IMMP2L: variants seen among roughly 807,000 people sequenced by gnomAD.
IMMP2L encodes the protein inner mitochondrial membrane peptidase subunit 2.
Under a neutral mutation model 19.3 loss-of-function variants are expected in IMMP2L, and 18 were observed. The ratio of observed to expected loss-of-function variants is 0.93; its 90% CI spans 0.64 to 1.38. IMMP2L has a LOEUF of 1.38. IMMP2L is among the 40% of genes most tolerant of loss of function. IMMP2L has a pLI of 0.00. For synonymous variants in IMMP2L, 76 were observed against 73.0 expected, an observed-to-expected ratio of 1.04 and a Z score of -0.21; for missense variants, 233 against 218.2, an observed-to-expected ratio of 1.07 and a Z score of -0.43.
At chr7:111,522,807 C>G (rs969305880) in intron 1 of IMMP2L, among the ~76,000 whole-genome samples, 1 of 151,838 alleles carries the variant, frequency 6.6e-6, no homozygotes, top group African/African-American at 2.4e-5. Flanking sequence ...GAACTGAAAT[C>G]AGTATATTGA....
At position 111,448,932 on chromosome 7, in the gene IMMP2L, T is replaced by G. The variant is rs928551137; in HGVS notation, c.239+38306A>C. 8.3e-5 allele frequency among the ~76,000 whole-genome samples: 12 copies of G among 144,766 alleles called. No homozygotes were observed. In the South Asian group the frequency reaches 9.1e-4, roughly 11 times the overall value. The allele number at this position is 144,766 out of a possible 152,430, so 95.0% of individuals were successfully genotyped here. The stretch of plus-strand genomic sequence containing the variant: ...ACCATCAGAGAATACTACAGACACC[T>G]CTACGCAAATAAACTAGAAAATCTA... On this transcript the variant is annotated intron_variant, in intron 3 of 5. Transcript: ENST00000405709.
intron 5 of IMMP2L, among the ~76,000 whole-genome samples, chr7:110,810,711 A>T (rs1301814470): frequency 6.6e-6 from 1 of 152,088 alleles, no homozygotes; most frequent in Non-Finnish European, 1.5e-5. Context: ...CAGAGTTTGA[A>T]GCTTGGGGAT....
intron 3 of IMMP2L, among the ~76,000 whole-genome samples, chr7:111,447,884 CAA>C (rs1838676705): frequency 6.7e-6 from 1 of 149,048 alleles, no homozygotes; most frequent in Admixed American, 6.7e-5. Flanking sequence ...AAATGGAAAA[CAA>C]AAAAAGGCAG....
At chr7:110,811,659 A>T (rs990728914) in intron 5 of IMMP2L, among the ~76,000 whole-genome samples, 1 of 152,090 alleles carries the variant, frequency 6.6e-6, no homozygotes, top group Non-Finnish European at 1.5e-5. Flanking sequence ...ATTTAGAGCT[A>T]TTATATACAG....
At chr7:111,057,348 C>T (rs544285991) in intron 3 of IMMP2L, among the ~76,000 whole-genome samples, 73 of 151,700 alleles carry the variant, frequency 4.8e-4, no homozygotes, top group African/African-American at 1.5e-3. Flanking sequence ...GAAAAGAAGA[C>T]GATACTAAGT....
intron 4 of IMMP2L, among the ~76,000 whole-genome samples, chr7:110,932,883 G>C (rs932813072): frequency 6.6e-6 from 1 of 152,156 alleles, no homozygotes; most frequent in Admixed American, 6.5e-5. Flanking sequence ...GAATGCAATA[G>C]AATTTGCGAG....
intron 3 of IMMP2L, among the ~76,000 whole-genome samples, chr7:111,209,040 C>A (rs1054431650): frequency 5.9e-5 from 9 of 152,132 alleles, no homozygotes; most frequent in East Asian, 1.9e-4. Flanking sequence ...TCTGTGATGA[C>A]AACTTAGAGA....
intron 5 of IMMP2L, among the ~76,000 whole-genome samples, chr7:110,736,533 T>G (rs1163201090): frequency 6.6e-6 from 1 of 152,138 alleles, no homozygotes; most frequent in Non-Finnish European, 1.5e-5. Flanking sequence ...CCAGCAAAGC[T>G]AGGGGGCAGG....
intron 4 of IMMP2L, among the ~76,000 whole-genome samples, chr7:110,917,416 C>A (rs1341383119): frequency 6.6e-6 from 1 of 152,134 alleles, no homozygotes; most frequent in East Asian, 1.9e-4. Flanking sequence ...AATAATCACA[C>A]CCACTGAACA....
intron 5 of IMMP2L, among the ~76,000 whole-genome samples, chr7:110,873,669 G>A (rs1808769824): frequency 6.6e-6 from 1 of 151,044 alleles, no homozygotes; most frequent in African/African-American, 2.4e-5. Flanking sequence ...AGCTACTCAG[G>A]AAGCTGAAGA....
At chr7:110,904,720 G>A (rs898033291) in intron 4 of IMMP2L, among the ~76,000 whole-genome samples, 1 of 152,122 alleles carries the variant, frequency 6.6e-6, no homozygotes, top group African/African-American at 2.4e-5. Context: ...TGCCATAGAA[G>A]GATCACTAGG....
chr7:111,253,185 A>G (rs183000386), intron 3 of IMMP2L, among the ~76,000 whole-genome samples: 1 of 152,302 alleles, frequency 6.6e-6, no homozygotes, highest in East Asian at 1.9e-4. Flanking sequence ...TCCTCCATTA[A>G]AATTAAATAT....
chr7:111,127,484 TTC>T (rs1801433370), intron 3 of IMMP2L, among the ~76,000 whole-genome samples: 1 of 152,170 alleles, frequency 6.6e-6, no homozygotes, highest in South Asian at 2.1e-4. Flanking sequence ...AATGAAGTAT[TTC>T]TGTTACAACC....
rs112257855 is a variant in IMMP2L at position 111,021,773 on chromosome 7, C to T, written c.240-58208G>A. Reference sequence around the variant, plus strand: ...TGGCAGGCACCTGTAATCCCAGCTACTCAGGAGGCTGAGGCAGGAGAATTG... The same window carrying T: ...TGGCAGGCACCTGTAATCCCAGCTATTCAGGAGGCTGAGGCAGGAGAATTG... On this transcript the variant is annotated intron_variant, in intron 3 of 5. Transcript: ENST00000405709. Among the ~76,000 whole-genome samples, 108 of 152,270 alleles carry T rather than the reference C, an allele frequency of 7.1e-4. 1 individual carries two copies. Among genetic ancestry groups the T allele is most frequent in the African/African-American group, 2.5e-3 (103 of 41,556 alleles).
chr7:110,931,471 A>C (rs1292676505), intron 4 of IMMP2L, among the ~76,000 whole-genome samples: 5 of 152,150 alleles, frequency 3.3e-5, no homozygotes, highest in African/African-American at 4.8e-5. Context: ...TCAGTTGTTC[A>C]GATTGAAATC....
intron 5 of IMMP2L, among the ~76,000 whole-genome samples, chr7:110,737,967 T>C (rs530381668): frequency 6.6e-6 from 1 of 152,194 alleles, no homozygotes; most frequent in East Asian, 1.9e-4. Context: ...AAATAGTCAC[T>C]ACAGTTCAGC....
chr7:111,207,534 G>GTTTTTTTTTTTTTTT (rs376864629), intron 3 of IMMP2L, among the ~76,000 whole-genome samples: 2 of 90,100 alleles, frequency 2.2e-5, no homozygotes, highest in African/African-American at 4.4e-5. Flanking sequence ...TTTATTTTTG[G>GTTTTTTTTTTTTTTT]TTTTTTTTTT....
intron 3 of IMMP2L, among the ~76,000 whole-genome samples, chr7:111,081,207 T>C (rs1795860874): frequency 6.6e-6 from 1 of 152,184 alleles, no homozygotes; most frequent in Admixed American, 6.5e-5. Flanking sequence ...ACCTCTTAAA[T>C]TTGGTTGAGG....
chr7:111,528,510 A>T (rs1847097316), intron 1 of IMMP2L, among the ~76,000 whole-genome samples: 1 of 152,194 alleles, frequency 6.6e-6, no homozygotes, highest in African/African-American at 2.4e-5. Context: ...CATATTTGCC[A>T]CCTGGCATAC....
Sources: allele counts gnomAD v4.1 joint callset (sites outside exome capture counted in the v4.1 genomes callset), GRCh38; gene constraint gnomAD v4.1.1; transcripts MANE v1.5; gene names NCBI Gene and HGNC (gene_info 2026-07-23, HGNC 2026-07-21).